CD36: variants seen among roughly 807,000 people sequenced by gnomAD.
CD36 encodes the protein platelet glycoprotein 4.
In CD36, 119 loss-of-function variants were observed where a neutral mutation model predicts 55.2. The ratio of observed to expected loss-of-function variants is 2.15; its 90% CI spans 1.86 to 2.51. The LOEUF (loss-of-function observed/expected upper bound fraction) is 2.51, where lower values mean the gene tolerates loss of function less well. Among genes scored for constraint, CD36 ranks in the 30% most tolerant of loss-of-function variants. CD36 has a pLI of 0.00. For synonymous variants in CD36, 186 were observed against 193.6 expected, an observed-to-expected ratio of 0.96 and a Z score of 0.33; for missense variants, 819 against 555.5, an observed-to-expected ratio of 1.47 and a Z score of -4.77.
At chr7:80,620,272 C>T (rs763406894) in intron 1 of CD36, among the ~76,000 whole-genome samples, 1 of 152,042 alleles carries the variant, frequency 6.6e-6, no homozygotes, top group Non-Finnish European at 1.5e-5. Context: ...CCACAGGTTG[C>T]GAGCTTAGTC....
chr7:80,616,005 C>A (rs1248471646), intron 1 of CD36, among the ~76,000 whole-genome samples: 3 of 152,138 alleles, frequency 2.0e-5, no homozygotes, highest in Non-Finnish European at 4.4e-5. Flanking sequence ...ACAGATAACA[C>A]TTTCTTCCTT....
chr7:80,642,715 A>C (rs1321547463), intron 1 of CD36, among the ~76,000 whole-genome samples: 1 of 152,178 alleles, frequency 6.6e-6, no homozygotes, highest in Non-Finnish European at 1.5e-5. Context: ...AGAAACTTAA[A>C]GTAATAAGAG....
intron 5 of CD36, chr7:80,662,388 C>A (rs901245901): frequency 4.1e-5 from 9 of 220,158 alleles, no homozygotes; most frequent in African/African-American, 1.8e-4. Flanking sequence ...ACACCGGGGT[C>A]TTCACCCTGG....
upstream of CD36, among the ~76,000 whole-genome samples, chr7:80,633,852 T>G (rs901071990): frequency 1.5e-4 from 23 of 152,018 alleles, no homozygotes; most frequent in African/African-American, 5.6e-4. Flanking sequence ...TATGAGATAG[T>G]TCATAGGTCA....
chr7:80,620,514 C>A (rs1181034746), intron 1 of CD36, among the ~76,000 whole-genome samples: 1 of 152,134 alleles, frequency 6.6e-6, no homozygotes, highest in African/African-American at 2.4e-5. Flanking sequence ...AGCTTCCATG[C>A]CTTCCCTGGC....
chr7:80,644,107 A>G (rs576710113), intron 1 of CD36, among the ~76,000 whole-genome samples: 1 of 152,314 alleles, frequency 6.6e-6, no homozygotes, highest in Admixed American at 6.5e-5. Context: ...ATTGCAAAGG[A>G]AATTCTATTT....
chr7:80,646,208 A>G (rs1795154647), intron 2 of CD36, 27 bp downstream of exon 2: 1 of 161,128 alleles, frequency 6.2e-6, no homozygotes, highest in Non-Finnish European at 1.4e-5. Flanking sequence ...ATCTGTTACC[A>G]TACTTGCTTA....
chr7:80,617,017 T>A (rs1258595056), intron 1 of CD36, among the ~76,000 whole-genome samples: 1 of 152,170 alleles, frequency 6.6e-6, no homozygotes, highest in Non-Finnish European at 1.5e-5. Context: ...AACTAATCAA[T>A]ATTCAACCTC....
At chr7:80,662,085 A>G (rs1298875320) in intron 5 of CD36, among the ~76,000 whole-genome samples, 1 of 152,182 alleles carries the variant, frequency 6.6e-6, no homozygotes, top group Non-Finnish European at 1.5e-5. Flanking sequence ...GAAAACGGAA[A>G]CACAAAATCC....
At chr7:80,634,057 TC>T (rs1794241395), upstream of CD36, among the ~76,000 whole-genome samples, 1 of 152,076 alleles carries the variant, frequency 6.6e-6, no homozygotes, top group Non-Finnish European at 1.5e-5. Flanking sequence ...GATAAATGTA[TC>T]TTTTTTTTTC....
intron 1 of CD36, among the ~76,000 whole-genome samples, chr7:80,632,240 A>G (rs1794113402): frequency 1.3e-5 from 2 of 151,684 alleles, no homozygotes; most frequent in African/African-American, 4.8e-5. Flanking sequence ...GTCTCAGGGC[A>G]GAATGATCAC....
chr7:80,633,007 T>A (rs1794173502), intron 1 of CD36, among the ~76,000 whole-genome samples: 1 of 151,964 alleles, frequency 6.6e-6, no homozygotes, highest in Non-Finnish European at 1.5e-5. Flanking sequence ...GAATTATTGA[T>A]TTTTTTCCTG....
chr7:80,660,558 TCTTA>T (rs913748759), intron 4 of CD36, among the ~76,000 whole-genome samples: 1 of 152,194 alleles, frequency 6.6e-6, no homozygotes, highest in African/African-American at 2.4e-5. Context: ...ATGTTTGAGA[TCTTA>T]CTTGTTTCAA....
intron 4 of CD36, among the ~76,000 whole-genome samples, chr7:80,657,030 A>G (rs1375274330): frequency 1.3e-5 from 2 of 152,166 alleles, no homozygotes; most frequent in Non-Finnish European, 2.9e-5. Flanking sequence ...ATTGTGGCAT[A>G]TATTCTCAAC....
chr7:80,636,308 C>T (rs1277431150), upstream of CD36, among the ~76,000 whole-genome samples: 2 of 151,864 alleles, frequency 1.3e-5, no homozygotes, highest in Admixed American at 6.6e-5. Flanking sequence ...ATTTAGTTTT[C>T]TCTATTCTTT....
intron 5 of CD36, chr7:80,662,298 C>T (rs1796600706): frequency 6.4e-6 from 1 of 155,494 alleles, no homozygotes; most frequent in African/African-American, 2.4e-5. Context: ...TAAACATTTT[C>T]CTGAAGCTGA....
chr7:80,674,865 A>AGTT (rs1245028510), intron 14 of CD36, among the ~76,000 whole-genome samples: 5 of 152,116 alleles, frequency 3.3e-5, no homozygotes, highest in African/African-American at 1.2e-4. Flanking sequence ...TAACTTATTT[A>AGTT]GTTGTTTACT....
chr7:80,667,285 C>T (rs1336083435), intron 8 of CD36, among the ~76,000 whole-genome samples: 2 of 151,988 alleles, frequency 1.3e-5, no homozygotes, highest in Non-Finnish European at 2.9e-5. Flanking sequence ...CAAATATTAG[C>T]TGGGTGTGCT....
At position 80,638,644 on chromosome 7, in the gene CD36, G is replaced by A. The variant is rs1332738372; in HGVS notation, c.-286G>A. 6.6e-6 allele frequency: 1 copy of A among 151,792 alleles called. No homozygotes were observed. Among genetic ancestry groups the A allele is most frequent in the Admixed American group, 6.6e-5 (1 of 15,184 alleles). The allele number at this position is 151,792 out of a possible 1,614,324, so 9.4% of individuals were successfully genotyped here. A position where few individuals can be genotyped will look rare whatever the true frequency, so the allele number is the denominator to read the frequency against. On this transcript the variant is annotated 5_prime_UTR_variant, in exon 1 of 15. Transcript: ENST00000447544. ...AACTCTCACGCATTTATGTACTGAG[G>A]ACTGCAGTGTAGGACTTTCCTGCAG...
Sources: allele counts gnomAD v4.1 joint callset (sites outside exome capture counted in the v4.1 genomes callset), GRCh38; gene constraint gnomAD v4.1.1; transcripts MANE v1.5; gene names NCBI Gene and HGNC (gene_info 2026-07-23, HGNC 2026-07-21).